SH3RF2: variants seen among roughly 807,000 people sequenced by gnomAD.
The protein encoded by SH3RF2 is SH3 domain containing ring finger 2.
Under a neutral mutation model 59.0 loss-of-function variants are expected in SH3RF2, and 43 were observed. The ratio of observed to expected loss-of-function variants is 0.73; its 90% confidence interval spans 0.57 to 0.94. The LOEUF (loss-of-function observed/expected upper bound fraction) is 0.94. Among genes scored for constraint, SH3RF2 ranks in the 40% least tolerant of loss-of-function variants. The pLI, the probability that SH3RF2 is intolerant of heterozygous loss-of-function variation, is 0.00. For synonymous variants in SH3RF2, 391 were observed against 391.5 expected (o/e 1.00, Z 0.01); for missense variants, 930 against 940.1 (o/e 0.99, Z 0.14).
chr5:146,001,998 T>TCATG (rs1480263774), intron 3 of SH3RF2, among the ~76,000 whole-genome samples: 2 of 152,216 alleles, frequency 1.3e-5, no homozygotes, highest in African/African-American at 4.8e-5. Context: ...TTATTCAACG[T>TCATG]CATGTATTTA....
At chr5:145,984,841 G>A in intron 2 of SH3RF2, among the ~76,000 whole-genome samples, 1 of 152,202 alleles carries the variant, frequency 6.6e-6, no homozygotes. Context: ...CTTCAGATTT[G>A]CAGAAGGTCT....
chr5:145,941,030 A>T (rs1757794529), intron 2 of SH3RF2, among the ~76,000 whole-genome samples: 1 of 152,202 alleles, frequency 6.6e-6, no homozygotes, highest in South Asian at 2.1e-4. Context: ...TCAGGCCAGG[A>T]TAATACTAAG....
chr5:146,057,078 T>A (rs1403813381), intron 8 of SH3RF2, among the ~76,000 whole-genome samples: 4 of 152,224 alleles, frequency 2.6e-5, no homozygotes, highest in Non-Finnish European at 5.9e-5. Context: ...TATTCTATGT[T>A]CCCTGAATTA....
rs535142689 is a variant in SH3RF2, at chr5:146,021,901, G to T, written c.1059+7840G>T. On this transcript the variant is annotated intron_variant, in intron 5 of 9. Coordinates refer to ENST00000359120, the MANE Select transcript of SH3RF2 (RefSeq NM_152550.4). ...ATGAGAATTAACCTCTGACTCACAAGGTTATTGGGAAAATCAAAAATAAAA... is the reference window on the plus strand; with the variant it reads ...ATGAGAATTAACCTCTGACTCACAATGTTATTGGGAAAATCAAAAATAAAA... 1.5e-3 allele frequency among the ~76,000 whole-genome samples: 221 copies of T among 152,294 alleles called. 1 individual carries two copies. The highest frequency in any genetic ancestry group is 0.01 in the Middle Eastern group (3 of 294).
intron 5 of SH3RF2, among the ~76,000 whole-genome samples, chr5:146,030,278 G>GCCCATGTC (rs1346216959): frequency 6.6e-6 from 1 of 152,134 alleles, no homozygotes; most frequent in African/African-American, 2.4e-5. Flanking sequence ...GTGCCCATGT[G>GCCCATGTC]CCCATGTCGT....
chr5:145,988,898 T>C (rs775793044), intron 2 of SH3RF2, among the ~76,000 whole-genome samples: 4 of 152,194 alleles, frequency 2.6e-5, no homozygotes, highest in Admixed American at 6.5e-5. Flanking sequence ...CAGCCCTTTC[T>C]AATATTTACT....
chr5:145,988,382 G>C (rs572941416), intron 2 of SH3RF2, among the ~76,000 whole-genome samples: 1 of 151,788 alleles, frequency 6.6e-6, no homozygotes, highest in Non-Finnish European at 1.5e-5. Context: ...TAAGGACTTA[G>C]AGGTTATCTC....
intron 5 of SH3RF2, among the ~76,000 whole-genome samples, chr5:146,035,911 C>T (rs1291009222): frequency 6.6e-6 from 1 of 152,158 alleles, no homozygotes; most frequent in Non-Finnish European, 1.5e-5. Context: ...CATCACGGAT[C>T]CCCCAGGCCT....
rs559881110 is a variant in SH3RF2 at position 146,020,680 on chromosome 5, A to G, written c.1059+6619A>G. Among the ~76,000 whole-genome samples the G allele has an allele frequency of 6.0e-4, 92 of 152,308 alleles. 1 individual carries two copies. Among genetic ancestry groups the G allele is most frequent in the Non-Finnish European group, 4.9e-4 (33 of 68,024 alleles). ...ACTATAAATACCACATATATATCTT[A>G]CCAACATGCGTAAGATTGAAAAACT... is the stretch of plus-strand genomic sequence containing the variant. On this transcript the variant is annotated intron_variant, in intron 5 of 9. Transcript: ENST00000359120.
intron 7 of SH3RF2, among the ~76,000 whole-genome samples, chr5:146,050,419 G>A (rs1360805732): frequency 6.6e-6 from 1 of 152,182 alleles, no homozygotes; most frequent in Non-Finnish European, 1.5e-5. Flanking sequence ...AAGAGTGCAG[G>A]CAAAGTCGGC....
chr5:145,946,594 C>A (rs1561703698), intron 2 of SH3RF2, among the ~76,000 whole-genome samples: 1 of 152,070 alleles, frequency 6.6e-6, no homozygotes, highest in African/African-American at 2.4e-5. Context: ...TATTAAATAC[C>A]TTTTTGGGTG....
At chr5:146,064,664 GAGAAAGAA>G (rs869196873), downstream of SH3RF2, among the ~76,000 whole-genome samples, 24 of 4,244 alleles carry the variant, frequency 5.7e-3, no homozygotes, top group African/African-American at 0.011. Flanking sequence ...GAGAGAGAAA[GAGAAAGAA>G]AGAAAGAAAG....
downstream of SH3RF2, among the ~76,000 whole-genome samples, chr5:146,063,784 C>T (rs1375526977): frequency 1.3e-5 from 2 of 152,082 alleles, no homozygotes; most frequent in East Asian, 1.9e-4. Context: ...AGCTTGAACC[C>T]GGGAGGCGGA....
Position 146,060,071 on chromosome 5 carries a change from G to A in SH3RF2, c.1761G>A (p.Arg587=). 2 of 1,613,926 alleles carry A rather than the reference G, an allele frequency of 1.2e-6. No homozygotes were observed. Among genetic ancestry groups the A allele is most frequent in the Non-Finnish European group, 1.7e-6 (2 of 1,179,914 alleles). ...AGCCCGCCCTCACGTGCATCAGCAG[G>A]GGCAGTGAGGCCTGGATCCACTCCG... ...TGEPALTCIS[R]GSEAWIHSAA... is the part of the protein sequence containing the mutation. Residue 587 remains arginine, a synonymous_variant, in exon 9 of 10, where the codon AGG becomes AGA. Transcript: ENST00000359120.
chr5:146,007,627 A>T (rs1173569816), intron 4 of SH3RF2, among the ~76,000 whole-genome samples: 1 of 152,128 alleles, frequency 6.6e-6, no homozygotes, highest in Non-Finnish European at 1.5e-5. Context: ...CAGTCATCTT[A>T]TTACCCATTT....
At chr5:145,963,104 C>T (rs559789832) in intron 2 of SH3RF2, among the ~76,000 whole-genome samples, 5 of 151,446 alleles carry the variant, frequency 3.3e-5, no homozygotes, top group Admixed American at 1.3e-4. Context: ...TCACCATGTT[C>T]GCCTGGATGG....
chr5:146,064,795 G>GAAAAA (rs1763046479), downstream of SH3RF2, among the ~76,000 whole-genome samples: 1 of 32,980 alleles, frequency 3.0e-5, no homozygotes, highest in Admixed American at 3.7e-4. Context: ...AAGGAAGGAA[G>GAAAAA]GAAGGAAGGA....
In SH3RF2 at chr5:146,013,854, C is replaced by A; in HGVS notation, c.852C>A (p.Thr284=). Residue 284 remains threonine (T), a synonymous_variant, in exon 5 of 10, where the codon ACC becomes ACA. Transcript: ENST00000359120. The part of the protein sequence containing the change: ...VSSSSRGNTS[T]LRRGPGSRRK... ...CGTCCTCCAGAGGCAACACGTCTAC[C>A]CTCCGTAGGGGCCCAGGGTCCAGGA... 1 of 1,614,132 alleles carries A rather than the reference C, an allele frequency of 6.2e-7. No individual in the cohort carries two copies. Among genetic ancestry groups the A allele is most frequent in the Non-Finnish European group, 8.5e-7 (1 of 1,180,018 alleles).
chr5:145,989,522 C>G (rs1420117955), intron 2 of SH3RF2, among the ~76,000 whole-genome samples: 1 of 152,180 alleles, frequency 6.6e-6, no homozygotes, highest in East Asian at 1.9e-4. Flanking sequence ...CCTGAATTCT[C>G]CAGCAGCAGA....
Sources: gnomAD v4.1 joint callset for allele counts (sites outside exome capture counted in the v4.1 genomes callset) on GRCh38, gnomAD v4.1.1 for gene constraint, MANE v1.5 for transcripts, NCBI Gene and HGNC (gene_info 2026-07-23, HGNC 2026-07-21) for gene names.